NRIP1: variants seen among roughly 807,000 people sequenced by gnomAD.
NRIP1 encodes nuclear receptor interacting protein 1, also known as nuclear receptor-interacting protein 1.
In NRIP1, 28 loss-of-function variants were observed where a neutral mutation model predicts 75.0. That is an observed-to-expected ratio of 0.37 (90% CI 0.28 to 0.51). The LOEUF is 0.51. Ranked by LOEUF, NRIP1 falls within the 20% of genes least tolerant of loss-of-function variation. The pLI is 0.92. For missense variants in NRIP1, 1,435 were observed against 1,343.7 expected (o/e 1.07, Z -1.06); for synonymous variants, 526 against 487.6 (o/e 1.08, Z -1.04).
At chr21:15,024,590 G>GTGTGTGTC (rs1555887548) in intron 2 of NRIP1, among the ~76,000 whole-genome samples, 1 of 151,530 alleles carries the variant, frequency 6.6e-6, no homozygotes, top group African/African-American at 2.4e-5. Context: ...GTGTGTGTGT[G>GTGTGTGTC]TGTGTGTCTG....
At chr21:15,021,574 A>T (rs573039074) in intron 2 of NRIP1, among the ~76,000 whole-genome samples, 18 of 152,236 alleles carry the variant, frequency 1.2e-4, no homozygotes, top group Non-Finnish European at 2.5e-4. Flanking sequence ...TTATACCTAA[A>T]TAAAGCCATG....
At chr21:15,012,717 C>T (rs757616556) in intron 3 of NRIP1, among the ~76,000 whole-genome samples, 4 of 151,988 alleles carry the variant, frequency 2.6e-5, no homozygotes, top group Non-Finnish European at 5.9e-5. Flanking sequence ...TCCCAAAGTG[C>T]TGGGATTACA....
intron 3 of NRIP1, among the ~76,000 whole-genome samples, chr21:15,003,589 G>A (rs1407159604): frequency 6.6e-6 from 1 of 152,134 alleles, no homozygotes; most frequent in Non-Finnish European, 1.5e-5. Context: ...GTAGCAGGAG[G>A]CCCCTCCCCG....
chr21:14,986,676 T>A (rs1266428627), intron 3 of NRIP1, among the ~76,000 whole-genome samples: 1 of 152,218 alleles, frequency 6.6e-6, no homozygotes, highest in African/African-American at 2.4e-5. Context: ...AGGTATTTGT[T>A]TTAAATATAT....
chr21:15,045,821 G>T lies in NRIP1; in HGVS notation c.-537-2247C>A, dbSNP rs901577769. 2.0e-5 allele frequency among the ~76,000 whole-genome samples: 3 copies of T among 152,166 alleles called. No homozygotes were observed. In the East Asian group the frequency reaches 5.8e-4, roughly 29 times the overall value. The stretch of plus-strand genomic sequence containing the variant: ...AATCCTTCGTTGTTATTTCAACAAT[G>T]TTCACAGTATCTTCAATCAGGAGTA... On this transcript the variant is annotated intron_variant, in intron 1 of 3. Coordinates refer to ENST00000318948, the MANE Select transcript of NRIP1 (RefSeq NM_003489.4).
At position 15,031,238 on chromosome 21, in the gene NRIP1, T is replaced by C. The variant is rs112815823; in HGVS notation, c.-458+12257A>G. On this transcript the variant is annotated intron_variant, in intron 2 of 3. Coordinates refer to ENST00000318948, the MANE Select transcript of NRIP1 (RefSeq NM_003489.4). ...TTCTATGTGTATACACTCTGGAAGG[T>C]GGTTGGAGGTTCACCACATTCCCTT... 7.5e-3 allele frequency among the ~76,000 whole-genome samples: 706 copies of C among 94,516 alleles called. 35 individuals are homozygous for C. The East Asian group carries it at 0.17, about 23-fold the overall frequency. 62.0% of individuals were successfully genotyped at this position (94,516 alleles called of 152,430 possible).
At chr21:15,012,996 A>G (rs1450238137) in intron 3 of NRIP1, among the ~76,000 whole-genome samples, 1 of 152,192 alleles carries the variant, frequency 6.6e-6, no homozygotes, top group Non-Finnish European at 1.5e-5. Context: ...TATAATGTTA[A>G]TTTTAATAGA....
At chr21:14,973,459 A>G (rs1158547930) in intron 3 of NRIP1, among the ~76,000 whole-genome samples, 1 of 152,188 alleles carries the variant, frequency 6.6e-6, no homozygotes, top group African/African-American at 2.4e-5. Flanking sequence ...AAATGCATAT[A>G]TACAACGAGA....
At chr21:14,986,315 TA>T (rs1237952174) in intron 3 of NRIP1, among the ~76,000 whole-genome samples, 1 of 152,156 alleles carries the variant, frequency 6.6e-6, no homozygotes, top group African/African-American at 2.4e-5. Flanking sequence ...CCTGAAAAAC[TA>T]AAAACCAATT....
intron 3 of NRIP1, chr21:14,971,662 A>AT (rs1459049388): frequency 6.6e-6 from 1 of 152,210 alleles, no homozygotes; most frequent in African/African-American, 2.4e-5. Flanking sequence ...CATGACTCTT[A>AT]TATCACCAAG....
At chr21:14,969,008 A>G (rs1466760550) in intron 3 of NRIP1, among the ~76,000 whole-genome samples, 1 of 152,234 alleles carries the variant, frequency 6.6e-6, no homozygotes, top group African/African-American at 2.4e-5. Flanking sequence ...GTTGAGGCCA[A>G]CAGAACAGAT....
intron 3 of NRIP1, among the ~76,000 whole-genome samples, chr21:14,995,380 G>A (rs1276956999): frequency 5.3e-5 from 8 of 152,174 alleles, no homozygotes; most frequent in Middle Eastern, 3.2e-3. Context: ...CTTAAACCTG[G>A]GATACAAGGC....
chr21:15,044,015 C>T (rs111275683), intron 1 of NRIP1, among the ~76,000 whole-genome samples: 100 of 152,200 alleles, frequency 6.6e-4, no homozygotes, highest in African/African-American at 2.3e-3. Context: ...GACGAGTTTT[C>T]GCCATGTTGG....
At chr21:15,035,557 T>A (rs1379881505) in intron 2 of NRIP1, among the ~76,000 whole-genome samples, 1 of 68,016 alleles carries the variant, frequency 1.5e-5, no homozygotes, top group Non-Finnish European at 3.0e-5. Context: ...TGTATATGAC[T>A]TTTTTTTTTT....
chr21:15,042,263 A>G (rs536023997), intron 2 of NRIP1, among the ~76,000 whole-genome samples: 2 of 152,346 alleles, frequency 1.3e-5, no homozygotes, highest in Admixed American at 6.5e-5. Context: ...ATTTTATTGC[A>G]TGTATTTATG....
intron 1 of NRIP1, among the ~76,000 whole-genome samples, chr21:15,049,351 G>T (rs1022124274): frequency 3.3e-5 from 5 of 151,930 alleles, no homozygotes; most frequent in Non-Finnish European, 7.4e-5. Flanking sequence ...AAGAAAAGAG[G>T]TACAATAGAT....
At chr21:14,999,015 G>C (rs969650451) in intron 3 of NRIP1, among the ~76,000 whole-genome samples, 1 of 151,928 alleles carries the variant, frequency 6.6e-6, no homozygotes, top group Non-Finnish European at 1.5e-5. Context: ...CGTAGAAAGA[G>C]AGAGAGAGAG....
intron 1 of NRIP1, among the ~76,000 whole-genome samples, chr21:15,057,751 A>G (rs547070842): frequency 9.2e-5 from 14 of 152,224 alleles, no homozygotes; most frequent in Non-Finnish European, 1.6e-4. Context: ...CAAGTTAACT[A>G]TTCTTGCATT....
At chr21:15,034,327 G>C (rs2088781727) in intron 2 of NRIP1, among the ~76,000 whole-genome samples, 1 of 152,168 alleles carries the variant, frequency 6.6e-6, no homozygotes, top group Non-Finnish European at 1.5e-5. Flanking sequence ...TTTTGAAGTA[G>C]TTCCATATGT....
Sources: allele counts gnomAD v4.1 joint callset (sites outside exome capture counted in the v4.1 genomes callset), GRCh38; gene constraint gnomAD v4.1.1; transcripts MANE v1.5; gene names NCBI Gene and HGNC (gene_info 2026-07-23, HGNC 2026-07-21).